The following FGF12 variants were observed in gnomAD, a reference collection of about 807,000 sequenced individuals.
FGF12 encodes the protein fibroblast growth factor 12B.
A neutral mutation model predicts 23.6 loss-of-function variants in FGF12; 14 were observed. That is an observed-to-expected ratio of 0.59 (90% CI 0.39 to 0.93). FGF12 has a LOEUF of 0.93. FGF12 is among the 40% of genes least tolerant of loss of function. The pLI is 0.00. For missense variants in FGF12, 175 were observed against 217.8 expected, an observed-to-expected ratio of 0.80 and a Z score of 1.24; for synonymous variants, 62 against 77.3, an observed-to-expected ratio of 0.80 and a Z score of 1.04.
intron 4 of FGF12, among the ~76,000 whole-genome samples, chr3:192,322,532 G>A (rs1346380828): frequency 1.3e-5 from 2 of 149,448 alleles, no homozygotes; most frequent in Non-Finnish European, 3.0e-5. Context: ...ACCCCAGAAT[G>A]GCCAAAGCTA....
intron 2 of FGF12, among the ~76,000 whole-genome samples, chr3:192,538,015 C>A (rs778037422): frequency 2.1e-5 from 3 of 145,132 alleles, no homozygotes; most frequent in Non-Finnish European, 3.0e-5. Flanking sequence ...GGTGCGATCT[C>A]GGCTCACTGC....
intron 2 of FGF12, among the ~76,000 whole-genome samples, chr3:192,446,917 G>A (rs919426841): frequency 2.0e-5 from 3 of 152,054 alleles, no homozygotes; most frequent in Non-Finnish European, 2.9e-5. Flanking sequence ...CCACCATCAC[G>A]TGTCCTGTCC....
intron 2 of FGF12, among the ~76,000 whole-genome samples, chr3:192,672,413 A>G (rs1439794985): frequency 6.6e-6 from 1 of 151,078 alleles, no homozygotes; most frequent in Non-Finnish European, 1.5e-5. Context: ...AACACACATT[A>G]AAATTGTCAT....
chr3:192,682,988 G>T (rs1425427687), intron 2 of FGF12, among the ~76,000 whole-genome samples: 3 of 152,322 alleles, frequency 2.0e-5, no homozygotes, highest in Admixed American at 2.0e-4. Flanking sequence ...GGGCATAAAA[G>T]CTCAATATTT....
At chr3:192,553,647 G>T (rs1711622613) in intron 2 of FGF12, among the ~76,000 whole-genome samples, 1 of 152,134 alleles carries the variant, frequency 6.6e-6, no homozygotes, top group African/African-American at 2.4e-5. Context: ...GAAGCCAAAT[G>T]CATTGAAACC....
intron 2 of FGF12, among the ~76,000 whole-genome samples, chr3:192,423,059 G>A (rs1479360754): frequency 6.6e-6 from 1 of 152,164 alleles, no homozygotes; most frequent in African/African-American, 2.4e-5. Flanking sequence ...AGCTCCGTGA[G>A]TTTATAATCC....
intron 2 of FGF12, among the ~76,000 whole-genome samples, chr3:192,662,703 A>T (rs1218244084): frequency 4.6e-5 from 7 of 152,210 alleles, no homozygotes; most frequent in Admixed American, 2.0e-4. Context: ...TATCATTTTC[A>T]CTATCAATAA....
intron 2 of FGF12, among the ~76,000 whole-genome samples, chr3:192,543,896 A>T (rs1725433275): frequency 6.6e-6 from 1 of 152,174 alleles, no homozygotes; most frequent in Non-Finnish European, 1.5e-5. Flanking sequence ...TGGCAAGTAA[A>T]GTCCTCTTTA....
intron 2 of FGF12, among the ~76,000 whole-genome samples, chr3:192,388,473 C>T (rs1476057273): frequency 1.3e-5 from 2 of 151,888 alleles, no homozygotes; most frequent in Non-Finnish European, 2.9e-5. Flanking sequence ...TTTTTGTCTA[C>T]AGAAATATAA....
rs202028515 is a variant in FGF12, at chr3:192,357,177, ATTT to A, written c.124+3248_124+3250del. Among the ~76,000 whole-genome samples the A allele has an allele frequency of 3.6e-3, 545 of 152,280 alleles. 6 individuals carry two copies. Among genetic ancestry groups the A allele is most frequent in the African/African-American group, 0.012 (494 of 41,562 alleles). ...TGTAATTTTTCTGAAGTCTTAAATGATTTTTTAAGTTAAAAAATATGTGGGGCC... is the reference window on the plus strand; with the variant it reads ...TGTAATTTTTCTGAAGTCTTAAATGATTTAAGTTAAAAAATATGTGGGGCC... On this transcript the variant is annotated intron_variant, in intron 3 of 5. Coordinates refer to ENST00000445105, the MANE Select transcript of FGF12 (RefSeq NM_004113.6).
chr3:192,424,086 C>A (rs1403473029), intron 2 of FGF12, among the ~76,000 whole-genome samples: 6 of 147,546 alleles, frequency 4.1e-5, no homozygotes, highest in Admixed American at 6.8e-5. Flanking sequence ...ATAAAGTCTT[C>A]AAAAAAAAAA....
At chr3:192,292,559 ATCAT>A (rs1714813607) in intron 4 of FGF12, among the ~76,000 whole-genome samples, 1 of 152,180 alleles carries the variant, frequency 6.6e-6, no homozygotes, top group Admixed American at 6.6e-5. Context: ...TAAAGGAAAA[ATCAT>A]TCATTTATTC....
chr3:192,312,244 G>A (rs1715986970), intron 4 of FGF12, among the ~76,000 whole-genome samples: 3 of 151,934 alleles, frequency 2.0e-5, no homozygotes, highest in Admixed American at 2.0e-4. Context: ...TTAATCCAAG[G>A]TCATAAAAGT....
At chr3:192,716,942 C>T (rs899322910) in intron 2 of FGF12, among the ~76,000 whole-genome samples, 1 of 152,164 alleles carries the variant, frequency 6.6e-6, no homozygotes, top group Non-Finnish European at 1.5e-5. Flanking sequence ...GAAAAAGAAG[C>T]TGCAACCCAA....
intron 3 of FGF12, among the ~76,000 whole-genome samples, chr3:192,346,674 T>C (rs956160343): frequency 6.6e-5 from 10 of 152,188 alleles, no homozygotes; most frequent in Admixed American, 5.9e-4. Context: ...AGCATGCATA[T>C]GGCAGGCATA....
chr3:192,668,821 C>A (rs75670409), intron 2 of FGF12, among the ~76,000 whole-genome samples: 6 of 152,238 alleles, frequency 3.9e-5, no homozygotes, highest in Non-Finnish European at 7.4e-5. Flanking sequence ...CCAGATCCAA[C>A]AAACAGGATA....
At chr3:192,638,175 C>G (rs986833936) in intron 2 of FGF12, among the ~76,000 whole-genome samples, 3 of 152,076 alleles carry the variant, frequency 2.0e-5, no homozygotes, top group African/African-American at 7.2e-5. Context: ...TAGGGCCTGT[C>G]TCAAGTGACT....
intron 4 of FGF12, among the ~76,000 whole-genome samples, chr3:192,250,770 A>G (rs1203143438): frequency 1.3e-5 from 2 of 152,160 alleles, no homozygotes; most frequent in Non-Finnish European, 2.9e-5. Context: ...TATGGGGCAA[A>G]TAAATCTATT....
intron 4 of FGF12, among the ~76,000 whole-genome samples, chr3:192,224,969 G>A (rs1014220365): frequency 6.6e-6 from 1 of 152,044 alleles, no homozygotes; most frequent in African/African-American, 2.4e-5. Context: ...TAATACATGT[G>A]AGAGAGGCCC....
Sources: gnomAD v4.1 joint callset for allele counts (sites outside exome capture counted in the v4.1 genomes callset) on GRCh38, gnomAD v4.1.1 for gene constraint, MANE v1.5 for transcripts, NCBI Gene and HGNC (gene_info 2026-07-23, HGNC 2026-07-21) for gene names.